The following NTM variants were observed in gnomAD, a reference collection of about 807,000 sequenced individuals.
The protein encoded by NTM is neurotrimin, also known as IgLON family member 2.
NTM carries 13 observed loss-of-function variants against 42.1 expected under a neutral mutation model. The observed-to-expected ratio is 0.31, with a 90% CI of 0.20 to 0.49. NTM has a LOEUF of 0.49. Among genes scored for constraint, NTM ranks in the 20% least tolerant of loss-of-function variants. The pLI is 0.99. For synonymous variants in NTM, 187 were observed against 179.2 expected (o/e 1.04, Z -0.35); for missense variants, 373 against 452.8 (o/e 0.82, Z 1.60).
intron 1 of NTM, among the ~76,000 whole-genome samples, chr11:131,791,217 A>G (rs1394322439): frequency 6.6e-6 from 1 of 152,242 alleles, no homozygotes; most frequent in Non-Finnish European, 1.5e-5. Flanking sequence ...TAAGTGTATA[A>G]TAAAGTAGTA....
intron 1 of NTM, among the ~76,000 whole-genome samples, chr11:131,500,860 T>C (rs2046729509): frequency 1.3e-5 from 2 of 150,942 alleles, no homozygotes. Flanking sequence ...GTCCTTGTGA[T>C]AGCTTGCTGA....
At chr11:132,129,442 C>T (rs1018807581) in intron 2 of NTM, among the ~76,000 whole-genome samples, 8 of 152,108 alleles carry the variant, frequency 5.3e-5, no homozygotes, top group Admixed American at 1.3e-4. Flanking sequence ...CCCAATCAGC[C>T]GATGTATCAG....
At chr11:131,905,173 C>A (rs2053681844) in intron 1 of NTM, among the ~76,000 whole-genome samples, 1 of 152,162 alleles carries the variant, frequency 6.6e-6, no homozygotes, top group Non-Finnish European at 1.5e-5. Flanking sequence ...CAGTAGGTAC[C>A]ATGAGGACCA....
At chr11:131,494,290 A>C (rs1017068854) in intron 1 of NTM, among the ~76,000 whole-genome samples, 4 of 152,162 alleles carry the variant, frequency 2.6e-5, no homozygotes, top group Admixed American at 6.5e-5. Context: ...ATTGACCCCC[A>C]GGAGCTATGA....
chr11:131,838,722 A>G (rs200369014), intron 1 of NTM, among the ~76,000 whole-genome samples: 2 of 151,580 alleles, frequency 1.3e-5, no homozygotes, highest in East Asian at 1.9e-4. Flanking sequence ...AGATAAAACA[A>G]AGGGGGTTTA....
At chr11:131,693,399 G>A (rs61175579) in intron 1 of NTM, among the ~76,000 whole-genome samples, 14,410 of 152,190 alleles carry the variant, frequency 0.095, 2,296 homozygotes, top group African/African-American at 0.33. Flanking sequence ...TAGCCGGGAC[G>A]GAGTTAAATC....
chr11:131,918,791 A>G (rs1026024566), intron 2 of NTM, among the ~76,000 whole-genome samples: 3 of 152,130 alleles, frequency 2.0e-5, no homozygotes, highest in Admixed American at 1.3e-4. Flanking sequence ...TTAAGGTTTC[A>G]TGTCATCCAT....
intron 1 of NTM, among the ~76,000 whole-genome samples, chr11:131,900,125 G>C (rs1365811893): frequency 2.0e-5 from 3 of 152,214 alleles, no homozygotes; most frequent in Non-Finnish European, 4.4e-5. Flanking sequence ...GCACAGTGAG[G>C]CCTTCATGAG....
intron 1 of NTM, among the ~76,000 whole-genome samples, chr11:131,732,571 C>T (rs2658875): frequency 0.13 from 19,991 of 152,218 alleles, 1,677 homozygotes; most frequent in Middle Eastern, 0.22. Context: ...TTTGATGAAA[C>T]GCCCCCAAAC....
At chr11:131,521,184 A>T (rs1004113359) in intron 1 of NTM, among the ~76,000 whole-genome samples, 1 of 151,364 alleles carries the variant, frequency 6.6e-6, no homozygotes, top group Non-Finnish European at 1.5e-5. Flanking sequence ...GCATGGTAGC[A>T]TGTGCCTGTA....
intron 4 of NTM, among the ~76,000 whole-genome samples, chr11:132,222,898 C>T (rs984288776): frequency 2.0e-5 from 3 of 152,192 alleles, no homozygotes; most frequent in South Asian, 4.1e-4. Flanking sequence ...GCCCGGGAGG[C>T]GTTTCCTCCC....
intron 4 of NTM, among the ~76,000 whole-genome samples, chr11:132,240,446 A>G (rs61906031): frequency 0.017 from 2,568 of 152,324 alleles, 46 homozygotes; most frequent in Non-Finnish European, 0.023. Context: ...CAATACAACT[A>G]CAACTCCAGT....
rs571496724 is a variant in NTM, at chr11:131,795,593, G to C, written c.83-115971G>C. On this transcript the variant is annotated intron_variant, in intron 1 of 8. Coordinates refer to ENST00000683400, the MANE Select transcript of NTM (RefSeq NM_001352005.2). The stretch of plus-strand genomic sequence containing the variant: ...TAACGGGAGTCCCCGCGAGAACCCT[G>C]GTCCCACAGAGTCATGGGAGACCCT... 39 of 985,408 alleles carry C rather than the reference G, an allele frequency of 4.0e-5. No individual in the cohort carries two copies. In the Admixed American group the frequency reaches 5.5e-4, roughly 14 times the overall value. 61.0% of individuals were successfully genotyped at this position (985,408 alleles called of 1,614,324 possible). A position where few individuals can be genotyped will look rare whatever the true frequency, so the allele number is the denominator to read the frequency against.
At position 131,971,772 on chromosome 11, in the gene NTM, G is replaced by A. The variant is rs933052228; in HGVS notation, c.167+60124G>A. On this transcript the variant is annotated intron_variant, in intron 2 of 8. Transcript: ENST00000683400. ...AAAGAAAAAAAAAAATTAGCTGGGC[G>A]CAGTGGCTCACGCCTGTAATCCCAG... is the stretch of plus-strand genomic sequence containing the variant. Among the ~76,000 whole-genome samples the A allele has an allele frequency of 9.9e-5, 15 of 151,882 alleles. No individual in the cohort carries two copies. In the South Asian group the frequency reaches 1.0e-3, roughly 11 times the overall value.
At chr11:131,385,690 A>C (rs1386565537) in intron 1 of NTM, among the ~76,000 whole-genome samples, 1 of 152,106 alleles carries the variant, frequency 6.6e-6, no homozygotes, top group Non-Finnish European at 1.5e-5. Context: ...TCATCTCTAC[A>C]AAAAAATTTT....
intron 1 of NTM, among the ~76,000 whole-genome samples, chr11:131,646,223 A>G (rs763362332): frequency 6.6e-6 from 1 of 152,316 alleles, no homozygotes; most frequent in Admixed American, 6.5e-5. Flanking sequence ...ATTCTTTCTC[A>G]TATGGTCTGT....
At chr11:132,032,505 C>G (rs548158602) in intron 2 of NTM, among the ~76,000 whole-genome samples, 7 of 152,196 alleles carry the variant, frequency 4.6e-5, no homozygotes, top group African/African-American at 1.7e-4. Flanking sequence ...TTCAGTGATA[C>G]CTCAATTTCA....
At chr11:131,958,159 C>G (rs1257326164) in intron 2 of NTM, among the ~76,000 whole-genome samples, 1 of 152,230 alleles carries the variant, frequency 6.6e-6, no homozygotes, top group East Asian at 1.9e-4. Context: ...TTTTCTCCAG[C>G]AAATTTTATG....
chr11:131,598,759 T>C (rs865860724), intron 1 of NTM, among the ~76,000 whole-genome samples: 5 of 47,568 alleles, frequency 1.1e-4, no homozygotes, highest in African/African-American at 3.4e-4. Flanking sequence ...TTCTTTCTTC[T>C]TTCTTTTTTT....
Sources: gnomAD v4.1 joint callset for allele counts (sites outside exome capture counted in the v4.1 genomes callset) on GRCh38, gnomAD v4.1.1 for gene constraint, MANE v1.5 for transcripts, NCBI Gene and HGNC (gene_info 2026-07-23, HGNC 2026-07-21) for gene names.